The following OTX2 variants were observed in gnomAD, a reference collection of about 807,000 sequenced individuals.
OTX2 encodes homeobox protein OTX2.
Under a neutral mutation model 29.0 loss-of-function variants are expected in OTX2, and 4 were observed. The observed-to-expected ratio is 0.14, with a 90% confidence interval of 0.07 to 0.32. The LOEUF is 0.32. Ranked by LOEUF, OTX2 falls within the 10% of genes least tolerant of loss-of-function variation. The pLI is 1.00. For missense variants in OTX2, 298 were observed against 365.9 expected (o/e 0.81, Z 1.51); for synonymous variants, 134 against 141.0 (o/e 0.95, Z 0.35).
In OTX2 at chr14:56,800,114, C is replaced by T. The variant is rs1303615088; in HGVS notation, c.*1621G>A. On this transcript the variant is annotated 3_prime_UTR_variant, in exon 5 of 5. Transcript: ENST00000672264. Reference sequence around the variant, plus strand: ...GGGACCCATTTTTTCCCCCTCGGCACTTTCTTAAACACATACACACAAACT... The same window carrying T: ...GGGACCCATTTTTTCCCCCTCGGCATTTTCTTAAACACATACACACAAACT... The T allele has an allele frequency of 6.6e-6, 1 of 152,172 alleles. No homozygotes were observed. The highest frequency in any genetic ancestry group is 2.4e-5 in the African/African-American group (1 of 41,438). The allele number at this position is 152,172 out of a possible 1,614,324, so 9.4% of individuals were successfully genotyped here. A position where few individuals can be genotyped will look rare whatever the true frequency, so the allele number is the denominator to read the frequency against.
intron 2 of OTX2, 135 bp downstream of exon 2, chr14:56,810,024 A>C (rs1255157936): frequency 2.0e-5 from 3 of 152,172 alleles, no homozygotes; most frequent in Non-Finnish European, 4.4e-5. Context: ...AATTTGTAAG[A>C]GAAAAAATAC....
rs1594954795 is a variant in OTX2 at position 56,804,432 on chromosome 14, A to G, written c.98-69T>C. The G allele has an allele frequency of 2.1e-6, 3 of 1,413,356 alleles. No homozygotes were observed. Among genetic ancestry groups the G allele is most frequent in the Non-Finnish European group, 2.9e-6 (3 of 1,041,122 alleles). The allele number at this position is 1,413,356 out of a possible 1,614,324, so 87.6% of individuals were successfully genotyped here. ...GGGTTCTCCGACGCCCCTGCCCTCC[A>G]CCCCGCAGCAGTCCCCCGTTCCTCA... On this transcript the variant is annotated intron_variant, in intron 3 of 4. Transcript: ENST00000672264. This position sits in a 1 kb window ranked among gnomAD's most constrained non-coding sequence, Gnocchi z 4.1.
chr14:56,801,881 C>G lies in OTX2; in HGVS notation c.748G>C (p.Gly250Arg), dbSNP rs768514532. 1.9e-6 allele frequency: 3 copies of G among 1,614,134 alleles called. No individual in the cohort carries two copies. In the South Asian group the frequency reaches 3.3e-5, roughly 18 times the overall value. ...NQSPASLSTQGYGASSLGFNS... is the reference protein window; with the variant it reads ...NQSPASLSTQRYGASSLGFNS... ...AAACCCAAGCTTGAAGCTCCATATCCCTGGGTGGAAAGAGAAGCTGGGGAC... is the reference window on the plus strand; with the variant it reads ...AAACCCAAGCTTGAAGCTCCATATCGCTGGGTGGAAAGAGAAGCTGGGGAC... The change falls in exon 5 of 5, where the codon GGA becomes CGA. Residue 250 changes from glycine to arginine, a missense_variant. Transcript: ENST00000672264. This position sits in a 1 kb window ranked among gnomAD's most constrained non-coding sequence, Gnocchi z 4.2.
intron 2 of OTX2, among the ~76,000 whole-genome samples, chr14:56,807,881 G>C (rs1340998106): frequency 3.9e-5 from 6 of 152,162 alleles, no homozygotes; most frequent in African/African-American, 1.4e-4. Context: ...CTCATACCTA[G>C]AAGCTGACCG....
At position 56,805,568 on chromosome 14, in the gene OTX2, C is replaced by G. The variant is rs1892059369; in HGVS notation, c.-112G>C. ...GAGTCCTTGGTGGGTGGGTTTGGAGCAGTGGAACTAAGGGCAAAGCAAACA... is the reference window on the plus strand; with the variant it reads ...GAGTCCTTGGTGGGTGGGTTTGGAGGAGTGGAACTAAGGGCAAAGCAAACA... On this transcript the variant is annotated 5_prime_UTR_variant, in exon 3 of 5. Transcript: ENST00000672264. 9 of 721,664 alleles carry G rather than the reference C, an allele frequency of 1.2e-5. No individual in the cohort carries two copies. The highest frequency in any genetic ancestry group is 2.3e-5 in the Non-Finnish European group (9 of 397,566). 44.7% of individuals were successfully genotyped at this position (721,664 alleles called of 1,614,324 possible).
rs1295783908 is a variant in OTX2 at position 56,800,969 on chromosome 14, T to C, written c.*766A>G. On this transcript the variant is annotated 3_prime_UTR_variant, in exon 5 of 5. Coordinates refer to ENST00000672264, the MANE Select transcript of OTX2 (RefSeq NM_021728.4). The stretch of plus-strand genomic sequence containing the variant: ...GAGACATTTTGTCGTAAAGTTTCAG[T>C]GCAGCTCACCTCCAGCCAAAGGTAA... 2.6e-5 allele frequency: 4 copies of C among 152,544 alleles called. No individual in the cohort carries two copies. The highest frequency in any genetic ancestry group is 1.3e-4 in the Admixed American group (2 of 15,290). The allele number at this position is 152,544 out of a possible 1,614,324, so 9.4% of individuals were successfully genotyped here. A position where few individuals can be genotyped will look rare whatever the true frequency, so the allele number is the denominator to read the frequency against.
rs560063101 is a variant in OTX2, at chr14:56,809,516, C to A, written c.-120+643G>T. ...GAGGCCAAAGAGAGCGAGCAGTGAG[C>A]GCCGGGGCGGACGAGAAGCCAGCGC... is the stretch of plus-strand genomic sequence containing the variant. On this transcript the variant is annotated intron_variant, in intron 2 of 4. Coordinates refer to ENST00000672264, the MANE Select transcript of OTX2 (RefSeq NM_021728.4). Among the ~76,000 whole-genome samples the A allele has an allele frequency of 2.8e-3, 423 of 152,326 alleles. 1 individual carries two copies. The highest frequency in any genetic ancestry group is 4.1e-3 in the Non-Finnish European group (282 of 68,024).
At chr14:56,805,634 C>A (rs1401837548) in intron 2 of OTX2, 59 bp from the exon 3 acceptor site, 6 of 635,416 alleles carry the variant, frequency 9.4e-6, no homozygotes, top group Admixed American at 2.1e-5. Context: ...GAGGCAGCAG[C>A]TCTTCCACGT....
At chr14:56,808,518 C>A (rs1445891418) in intron 2 of OTX2, among the ~76,000 whole-genome samples, 1 of 152,114 alleles carries the variant, frequency 6.6e-6, no homozygotes, top group Non-Finnish European at 1.5e-5. Context: ...AAGAAACGTG[C>A]CAAAAGGGTT....
chr14:56,804,556 C>T lies in OTX2; in HGVS notation c.98-193G>A, dbSNP rs539215600. On this transcript the variant is annotated intron_variant, in intron 3 of 4. Coordinates refer to ENST00000672264, the MANE Select transcript of OTX2 (RefSeq NM_021728.4). The surrounding 1 kb of genome is among the most constrained non-coding windows in gnomAD (Gnocchi z 4.1). ...ACACGCTGCTTCTTTCCCTACTCTTCTTGGTGTTGAGATTGCTCCAATCAG... is the reference window on the plus strand; with the variant it reads ...ACACGCTGCTTCTTTCCCTACTCTTTTTGGTGTTGAGATTGCTCCAATCAG... Among the ~76,000 whole-genome samples, 42 of 152,304 alleles carry T rather than the reference C, an allele frequency of 2.8e-4. No homozygotes were observed. Among genetic ancestry groups the T allele is most frequent in the Admixed American group, 2.5e-3 (38 of 15,310 alleles).
rs1467110826 is a variant in OTX2, at chr14:56,804,143, G to A, written c.273+45C>T. ...CTCTCCACAGTCCCATACTCGGGAA[G>A]GGTGGCATGATCAGGAAGGATGGTT... On this transcript the variant is annotated intron_variant, in intron 4 of 4. Transcript: ENST00000672264. This position sits in a 1 kb window ranked among gnomAD's most constrained non-coding sequence, Gnocchi z 4.1. The A allele has an allele frequency of 6.2e-7, 1 of 1,607,064 alleles. No individual in the cohort carries two copies. The highest frequency in any genetic ancestry group is 2.2e-5 in the East Asian group (1 of 44,838).
At position 56,805,355 on chromosome 14, in the gene OTX2, C is replaced by T. The variant is rs1249901564; in HGVS notation, c.97+5G>A. The T allele has an allele frequency of 3.1e-6, 5 of 1,604,800 alleles. No homozygotes were observed. The highest frequency in any genetic ancestry group is 4.3e-6 in the Non-Finnish European group (5 of 1,171,802). ...GGGTGCGGGAGTGCAGCAGGGCTCACTTACCCGGGTAGCCCACGGAGGGGT... is the reference window on the plus strand; with the variant it reads ...GGGTGCGGGAGTGCAGCAGGGCTCATTTACCCGGGTAGCCCACGGAGGGGT... On this transcript the variant is annotated splice_donor_5th_base_variant and intron_variant, in intron 3 of 4. Coordinates refer to ENST00000672264, the MANE Select transcript of OTX2 (RefSeq NM_021728.4).
In OTX2 at chr14:56,804,292, G is replaced by A; in HGVS notation, c.169C>T (p.Gln57Ter). The A allele has an allele frequency of 6.2e-7, 1 of 1,614,154 alleles. No homozygotes were observed. The highest frequency in any genetic ancestry group is 8.5e-7 in the Non-Finnish European group (1 of 1,180,042). ...RRERTTFTRA[Q>*]LDVLEALFAK... ...AACAGTGCTTCCAGCACATCTAGCT[G>A]CGCCCGAGTGAACGTCGTCCTCTCC... The change falls in exon 4 of 5, where the codon CAG becomes TAG. Residue 57 changes from glutamine (Q) to a stop codon, truncating the protein, a stop_gained. Transcript: ENST00000672264. LOFTEE classifies it high-confidence loss of function. This position sits in a 1 kb window ranked among gnomAD's most constrained non-coding sequence, Gnocchi z 4.1.
In OTX2 at chr14:56,801,799, T is replaced by A; in HGVS notation, c.830A>T (p.Asn277Ile). 1 of 1,614,178 alleles carries A rather than the reference T, an allele frequency of 6.2e-7. No homozygotes were observed. Residue 277 changes from asparagine to isoleucine, a missense_variant, in exon 5 of 5, where the codon AAC (asparagine) becomes ATC (isoleucine). Physicochemically the swap from Asn to Ile is moderately radical, Grantham distance 149. Around this residue, in one of 3 missense-constraint regions of OTX2, gnomAD observed 219 missense variants for 223.5 expected, o/e 0.98. Transcript: ENST00000672264. This position sits in a 1 kb window ranked among gnomAD's most constrained non-coding sequence, Gnocchi z 4.2. ...ATAATCCAAGCAGTCAGCATTGAAG[T>A]TAAGCTTCCAGGAGGCAGTTTGGTC... ...YKDQTASWKL[N>I]FNADCLDYKD...
Position 56,804,064 on chromosome 14 carries a change from T to G in OTX2, c.273+124A>C. On this transcript the variant is annotated intron_variant, in intron 4 of 4. Coordinates refer to ENST00000672264, the MANE Select transcript of OTX2 (RefSeq NM_021728.4). The surrounding 1 kb of genome is among the most constrained non-coding windows in gnomAD (Gnocchi z 4.1). ...GAAGGAGAATAGTTTCCTGGCCCCT[T>G]AGTGAGTGAAGGAGAATTTCAAGCC... is the stretch of plus-strand genomic sequence containing the variant. 1 of 1,145,890 alleles carries G rather than the reference T, an allele frequency of 8.7e-7. No homozygotes were observed. Among genetic ancestry groups the G allele is most frequent in the East Asian group, 2.4e-5 (1 of 41,114 alleles). The allele number at this position is 1,145,890 out of a possible 1,614,324, so 71.0% of individuals were successfully genotyped here.
At position 56,804,335 on chromosome 14, in the gene OTX2, G is replaced by A. The variant is rs750923926; in HGVS notation, c.126C>T (p.Thr42=). The A allele has an allele frequency of 1.2e-6, 2 of 1,613,952 alleles. No individual in the cohort carries two copies. The highest frequency in any genetic ancestry group is 1.7e-6 in the Non-Finnish European group (2 of 1,180,014). Residue 42 remains threonine, a synonymous_variant, in exon 4 of 5, where the codon ACC becomes ACT. Transcript: ENST00000672264. This position sits in a 1 kb window ranked among gnomAD's most constrained non-coding sequence, Gnocchi z 4.1. The part of the protein sequence containing the change: ...PGPWASCPAA[T]PRKQRRERTT... ...TCCTCTCCCGGCGCTGTTTCCGGGG[G>A]GTGGCTGCGGGACAAGAAGCCCAGG... is the stretch of plus-strand genomic sequence containing the variant.
At chr14:56,803,633 A>T (rs1356437293) in intron 4 of OTX2, among the ~76,000 whole-genome samples, 2 of 152,212 alleles carry the variant, frequency 1.3e-5, no homozygotes, top group Non-Finnish European at 2.9e-5. Context: ...CACTAGAGAC[A>T]TTATGTAGAT....
intron 2 of OTX2, among the ~76,000 whole-genome samples, chr14:56,808,617 C>G (rs1046388979): frequency 1.3e-5 from 2 of 152,134 alleles, no homozygotes; most frequent in African/African-American, 4.8e-5. Flanking sequence ...GAGGAGTTCC[C>G]TCTCCTACTC....
chr14:56,809,717 T>C (rs1892212525), intron 2 of OTX2, among the ~76,000 whole-genome samples: 2 of 152,194 alleles, frequency 1.3e-5, no homozygotes, highest in South Asian at 2.1e-4. Flanking sequence ...TCCATCTAGT[T>C]ACATCTGCAT....
Sources: gnomAD v4.1 joint callset for allele counts (sites outside exome capture counted in the v4.1 genomes callset) on GRCh38, gnomAD v4.1.1 for gene constraint, gnomAD v4.1.1 regional missense constraint, Gnocchi (gnomAD v3.1) non-coding constraint, MANE v1.5 for transcripts, NCBI Gene and HGNC (gene_info 2026-07-23, HGNC 2026-07-21) for gene names.